The following GLI3 variants were observed in gnomAD, a reference collection of about 807,000 sequenced individuals.
GLI3 encodes GLI family zinc finger 3.
In GLI3, 20 loss-of-function variants were observed where a neutral mutation model predicts 100.8. The ratio of observed to expected loss-of-function variants is 0.20; its 90% CI spans 0.14 to 0.29. The LOEUF (loss-of-function observed/expected upper bound fraction) is 0.29. Ranked by LOEUF, GLI3 falls within the 10% of genes least tolerant of loss-of-function variation. The probability of loss-of-function intolerance (pLI) is 1.00; values close to 1 mark genes in which losing one functional copy is unlikely to be tolerated. For missense variants in GLI3, 2,040 were observed against 2,128.5 expected (o/e 0.96, Z 0.82); for synonymous variants, 938 against 860.5 (o/e 1.09, Z -1.58).
intron 2 of GLI3, among the ~76,000 whole-genome samples, chr7:42,161,135 G>C (rs1418854429): frequency 6.6e-6 from 1 of 152,194 alleles, no homozygotes; most frequent in African/African-American, 2.4e-5. Context: ...ATTTTAGGGT[G>C]ATTACTGACA....
intron 3 of GLI3, among the ~76,000 whole-genome samples, chr7:42,137,118 T>A (rs1169461204): frequency 1.3e-5 from 2 of 152,178 alleles, no homozygotes; most frequent in Non-Finnish European, 2.9e-5. Flanking sequence ...CATAAGGTTG[T>A]TTTGTGGGGA....
At chr7:42,124,801 T>TA (rs1786086402) in intron 3 of GLI3, among the ~76,000 whole-genome samples, 1 of 152,166 alleles carries the variant, frequency 6.6e-6, no homozygotes, top group African/African-American at 2.4e-5. Flanking sequence ...TTGGTGCTGC[T>TA]GTGTGTGTGA....
chr7:42,107,395 T>G (rs1014476404), intron 3 of GLI3, among the ~76,000 whole-genome samples: 2 of 152,074 alleles, frequency 1.3e-5, no homozygotes, highest in African/African-American at 4.8e-5. Context: ...TAAAAAGAAA[T>G]GGCACCAACT....
intron 1 of GLI3, among the ~76,000 whole-genome samples, chr7:42,249,872 A>C (rs893183112): frequency 6.6e-6 from 1 of 152,262 alleles, no homozygotes; most frequent in South Asian, 2.1e-4. Flanking sequence ...AGTTGGGCGA[A>C]TCACTTGACG....
intron 2 of GLI3, among the ~76,000 whole-genome samples, chr7:42,149,840 A>G (rs997309763): frequency 6.6e-6 from 1 of 152,262 alleles, no homozygotes; most frequent in African/African-American, 2.4e-5. Context: ...TAGCAGTTTC[A>G]TAACTTTGTT....
intron 12 of GLI3, among the ~76,000 whole-genome samples, chr7:41,977,299 C>G (rs1000589704): frequency 4.6e-5 from 7 of 152,176 alleles, no homozygotes; most frequent in African/African-American, 1.4e-4. Context: ...CAGTAGGTGG[C>G]AGTTCAAAAC....
chr7:42,189,585 C>G (rs940047576), intron 2 of GLI3, among the ~76,000 whole-genome samples: 4 of 152,140 alleles, frequency 2.6e-5, no homozygotes, highest in African/African-American at 9.7e-5. Context: ...GGTTCAGATA[C>G]TCTAACATGT....
At chr7:42,260,188 G>T (rs1789124478) in intron 1 of GLI3, among the ~76,000 whole-genome samples, 1 of 152,164 alleles carries the variant, frequency 6.6e-6, no homozygotes, top group African/African-American at 2.4e-5. Flanking sequence ...TTTCTGCAGG[G>T]TGAGAAATGA....
At chr7:42,170,817 T>C (rs1350542808) in intron 2 of GLI3, among the ~76,000 whole-genome samples, 2 of 152,158 alleles carry the variant, frequency 1.3e-5, no homozygotes, top group East Asian at 3.9e-4. Context: ...TTGAGAATTA[T>C]TTTTTTCTTT....
At chr7:42,041,813 G>GA (rs1008005088) in intron 6 of GLI3, among the ~76,000 whole-genome samples, 25 of 151,754 alleles carry the variant, frequency 1.6e-4, no homozygotes, top group Non-Finnish European at 2.8e-4. Context: ...TAGAAATAAT[G>GA]AAAAAAAATC....
At chr7:42,239,325 C>T (rs1788899223), upstream of GLI3, among the ~76,000 whole-genome samples, 1 of 152,148 alleles carries the variant, frequency 6.6e-6, no homozygotes, top group African/African-American at 2.4e-5. Context: ...GTTAGGAGTG[C>T]CAGGTCGCGT....
At chr7:42,101,109 A>C (rs1785451100) in intron 3 of GLI3, among the ~76,000 whole-genome samples, 1 of 152,172 alleles carries the variant, frequency 6.6e-6, no homozygotes, top group South Asian at 2.1e-4. Context: ...TTCTCCTGTG[A>C]GTAGGAGTAG....
chr7:42,049,903 C>A (rs78837282), intron 4 of GLI3, among the ~76,000 whole-genome samples: 1 of 152,184 alleles, frequency 6.6e-6, no homozygotes, highest in Non-Finnish European at 1.5e-5. Context: ...AATTCCTCTT[C>A]CACCACTGGC....
intron 4 of GLI3, among the ~76,000 whole-genome samples, chr7:42,076,147 C>T (rs1784874938): frequency 6.6e-6 from 1 of 152,198 alleles, no homozygotes; most frequent in African/African-American, 2.4e-5. Flanking sequence ...TTTATTTCCT[C>T]CAAACCAAGG....
chr7:42,062,461 T>C (rs1784588880), intron 4 of GLI3, among the ~76,000 whole-genome samples: 1 of 152,134 alleles, frequency 6.6e-6, no homozygotes, highest in Non-Finnish European at 1.5e-5. Context: ...GGAGAAACGA[T>C]AGGGTCTGGC....
chr7:42,230,587 G>A (rs1788678947), intron 1 of GLI3, among the ~76,000 whole-genome samples: 1 of 152,188 alleles, frequency 6.6e-6, no homozygotes, highest in African/African-American at 2.4e-5. Context: ...ACATTTCTGT[G>A]AGCCAGTTTT....
intron 10 of GLI3, among the ~76,000 whole-genome samples, chr7:42,008,804 T>A (rs1788529936): frequency 6.6e-6 from 1 of 152,256 alleles, no homozygotes; most frequent in Non-Finnish European, 1.5e-5. Flanking sequence ...TGGTGGAAAC[T>A]ATCTTTGTCT....
intron 3 of GLI3, chr7:42,113,388 G>A: frequency 1.4e-6 from 1 of 696,196 alleles, no homozygotes; most frequent in Admixed American, 1.8e-5. Flanking sequence ...AGGCTGAGGG[G>A]GATGCTGAAG....
At chr7:42,221,064 AG>A (rs1249732863) in intron 2 of GLI3, among the ~76,000 whole-genome samples, 1 of 152,226 alleles carries the variant, frequency 6.6e-6, no homozygotes, top group Non-Finnish European at 1.5e-5. Flanking sequence ...TTGAGGAAAC[AG>A]GTGATTATTT....
Sources: allele counts gnomAD v4.1 joint callset (sites outside exome capture counted in the v4.1 genomes callset), GRCh38; gene constraint gnomAD v4.1.1; transcripts MANE v1.5; gene names NCBI Gene and HGNC (gene_info 2026-07-23, HGNC 2026-07-21).